The following CORO7 variants were observed in gnomAD, a reference collection of about 807,000 sequenced individuals.
CORO7 encodes the protein coronin-7.
A neutral mutation model predicts 126.6 loss-of-function variants in CORO7; 107 were observed. The observed-to-expected ratio is 0.85, with a 90% CI of 0.72 to 0.99. CORO7 has a LOEUF of 0.99. Among genes scored for constraint, CORO7 ranks in the 50% least tolerant of loss-of-function variants. CORO7 has a pLI of 0.00. For missense variants in CORO7, 1,314 were observed against 1,255.8 expected (o/e 1.05, Z -0.70); for synonymous variants, 603 against 536.8 (o/e 1.12, Z -1.70).
chr16:4,395,267 C>T (rs1336096243), intron 7 of CORO7, 22 bp downstream of exon 7: 6 of 1,613,860 alleles, frequency 3.7e-6, no homozygotes, highest in Non-Finnish European at 5.1e-6. Context: ...TCAACCCACC[C>T]CAGCTTGCCC....
At chr16:4,382,476 CTG>C (rs2055022027) in intron 9 of CORO7, 1 of 1,604,708 alleles carries the variant, frequency 6.2e-7, no homozygotes, top group African/African-American at 1.3e-5. Context: ...CTTACTCCGT[CTG>C]TGTCATGCCT....
At chr16:4,398,035 C>T (rs776617138) in intron 6 of CORO7, among the ~76,000 whole-genome samples, 2 of 152,200 alleles carry the variant, frequency 1.3e-5, no homozygotes, top group Non-Finnish European at 2.9e-5. Flanking sequence ...CCCACCTCAG[C>T]TTCCCAAGTA....
intron 6 of CORO7, among the ~76,000 whole-genome samples, chr16:4,398,585 G>A (rs2055686634): frequency 6.6e-6 from 1 of 151,492 alleles, no homozygotes; most frequent in Non-Finnish European, 1.5e-5. Context: ...AGAATTGCTT[G>A]AACTCAGGAG....
At chr16:4,407,387 T>A in intron 5 of CORO7, 114 bp downstream of exon 5, 1 of 1,234,666 alleles carries the variant, frequency 8.1e-7, no homozygotes, top group Non-Finnish European at 1.1e-6. Context: ...ACTATGTAAG[T>A]GTAAAACTTT....
At chr16:4,366,839 G>A (rs187518346) in intron 9 of CORO7, among the ~76,000 whole-genome samples, 1 of 152,238 alleles carries the variant, frequency 6.6e-6, no homozygotes. Context: ...CACTGCACTT[G>A]GTCTTGGTTT....
At chr16:4,387,801 C>G in intron 9 of CORO7, 185 bp downstream of exon 9, 1 of 695,590 alleles carries the variant, frequency 1.4e-6, no homozygotes, top group Non-Finnish European at 2.4e-6. Context: ...ACCTGCTGCT[C>G]GTGACATCTG....
chr16:4,355,601 T>TA (rs1170320318), intron 26 of CORO7: 1 of 534,712 alleles, frequency 1.9e-6, no homozygotes, highest in Non-Finnish European at 3.3e-6. Context: ...CCCAAGGAGC[T>TA]GGGATTACAG....
At chr16:4,401,149 G>A (rs1383745776) in intron 6 of CORO7, among the ~76,000 whole-genome samples, 2 of 152,214 alleles carry the variant, frequency 1.3e-5, no homozygotes, top group Non-Finnish European at 2.9e-5. Flanking sequence ...CCGCGGGGAA[G>A]AACTTAGACC....
intron 9 of CORO7, among the ~76,000 whole-genome samples, chr16:4,378,091 C>T (rs2054813590): frequency 6.6e-6 from 1 of 152,160 alleles, no homozygotes; most frequent in African/African-American, 2.4e-5. Context: ...GTGAAGAGCA[C>T]CCCCCAGCAC....
chr16:4,393,695 A>T (rs1409157354), intron 7 of CORO7, among the ~76,000 whole-genome samples: 1 of 152,164 alleles, frequency 6.6e-6, no homozygotes, highest in African/African-American at 2.4e-5. Flanking sequence ...GGTATCTATG[A>T]TGGGCCTAGG....
rs376375561 is a variant in CORO7, at chr16:4,362,619, G to C, written c.1395C>G (p.Ser465Arg). ...GTSPSLRSLQ[S>R]LLGPSSKFRH... is the part of the protein sequence containing the mutation. Reference sequence around the variant, plus strand: ...CCCGTCCTGCCTCCTTACCCAGCAGGCTCTGCAGCGACCTCAAACTGGGGC... The same window carrying C: ...CCCGTCCTGCCTCCTTACCCAGCAGCCTCTGCAGCGACCTCAAACTGGGGC... Residue 465 changes from serine to arginine, a missense_variant, in exon 15 of 28, where the codon AGC becomes AGG. Ser to Arg is a moderately radical substitution (Grantham distance 110). Coordinates refer to ENST00000251166, the MANE Select transcript of CORO7 (RefSeq NM_024535.5). The surrounding 1 kb of genome is among the most constrained non-coding windows in gnomAD (Gnocchi z 5.3). 2.6e-6 allele frequency: 4 copies of C among 1,560,484 alleles called. No homozygotes were observed. Among genetic ancestry groups the C allele is most frequent in the Non-Finnish European group, 2.6e-6 (3 of 1,156,228 alleles).
chr16:4,391,488 G>A (rs1284586257), intron 7 of CORO7, among the ~76,000 whole-genome samples: 1 of 152,198 alleles, frequency 6.6e-6, no homozygotes, highest in Admixed American at 6.5e-5. Flanking sequence ...CCTGGGAGGT[G>A]GAGCTCGCAG....
Position 4,361,545 on chromosome 16 carries a change from A to C in CORO7, c.1579-76T>G, listed in dbSNP as rs941233029. 10 of 1,532,650 alleles carry C rather than the reference A, an allele frequency of 6.5e-6. No homozygotes were observed. The Admixed American group carries it at 9.7e-5, about 15-fold the overall frequency. 94.9% of individuals were successfully genotyped at this position (1,532,650 alleles called of 1,614,324 possible). ...CAGTCCCCAGGGGCTGCGGGCAAGC[A>C]GCATGTCTGGGAGCCCACCCTCTGC... is the stretch of plus-strand genomic sequence containing the variant. On this transcript the variant is annotated intron_variant, in intron 16 of 27. Coordinates refer to ENST00000251166, the MANE Select transcript of CORO7 (RefSeq NM_024535.5).
rs755985890 is a variant in CORO7 at position 4,362,742 on chromosome 16, G to T, written c.1276-4C>A. On this transcript the variant is annotated splice_region_variant and splice_polypyrimidine_tract_variant and intron_variant, in intron 14 of 27. Transcript: ENST00000251166. This position sits in a 1 kb window ranked among gnomAD's most constrained non-coding sequence, Gnocchi z 5.3. Reference sequence around the variant, plus strand: ...TGGGAGGGGAAGAGAAACCCTCCTGGGGAGGGGCATGGGGTCAGCCAGCCT... The same window carrying T: ...TGGGAGGGGAAGAGAAACCCTCCTGTGGAGGGGCATGGGGTCAGCCAGCCT... 1 of 1,407,010 alleles carries T rather than the reference G, an allele frequency of 7.1e-7. No homozygotes were observed. Among genetic ancestry groups the T allele is most frequent in the South Asian group, 1.7e-5 (1 of 60,462 alleles). The allele number at this position is 1,407,010 out of a possible 1,614,324, so 87.2% of individuals were successfully genotyped here.
chr16:4,394,714 C>A (rs1481454632), intron 7 of CORO7, among the ~76,000 whole-genome samples: 3 of 152,250 alleles, frequency 2.0e-5, no homozygotes, highest in Non-Finnish European at 4.4e-5. Flanking sequence ...GGCCCTGTCC[C>A]AGGGTTGTTG....
chr16:4,361,274 C>T, intron 17 of CORO7, 26 bp from the exon 18 acceptor site: 1 of 1,612,038 alleles, frequency 6.2e-7, no homozygotes, highest in South Asian at 1.1e-5. Context: ...AGGGGCTCAT[C>T]ATTGCTGAGC....
At chr16:4,361,684 T>C (rs574966106) in intron 16 of CORO7, 32 of 792,492 alleles carry the variant, frequency 4.0e-5, no homozygotes, top group Admixed American at 6.0e-5. Flanking sequence ...CAGCGTGAAC[T>C]GGCGGGAAAA....
intron 9 of CORO7, among the ~76,000 whole-genome samples, chr16:4,371,318 G>A (rs1395647835): frequency 6.6e-6 from 1 of 152,224 alleles, no homozygotes; most frequent in Non-Finnish European, 1.5e-5. Flanking sequence ...TCTTGAAAGG[G>A]CTTTGTGTGG....
chr16:4,393,456 T>G (rs1244260073), intron 7 of CORO7, among the ~76,000 whole-genome samples: 2 of 152,222 alleles, frequency 1.3e-5, no homozygotes, highest in Non-Finnish European at 2.9e-5. Context: ...CCACCCTGCC[T>G]GGCTAGTTTC....
Sources: allele counts gnomAD v4.1 joint callset (sites outside exome capture counted in the v4.1 genomes callset), GRCh38; gene constraint gnomAD v4.1.1; non-coding constraint Gnocchi (gnomAD v3.1); transcripts MANE v1.5; gene names NCBI Gene and HGNC (gene_info 2026-07-23, HGNC 2026-07-21).